Variants in ATRNL1 observed in about 807,000 individuals in gnomAD.
The protein encoded by ATRNL1 is attractin like 1, also known as attractin-like protein 1.
In ATRNL1, 95 loss-of-function variants were observed where a neutral mutation model predicts 182.7. The observed-to-expected ratio is 0.52, with a 90% CI of 0.44 to 0.62. The LOEUF is 0.62. Ranked by LOEUF, ATRNL1 falls within the 20% of genes least tolerant of loss-of-function variation. The pLI is 0.00. For missense variants in ATRNL1, 1,471 were observed against 1,679.5 expected (o/e 0.88, Z 2.17); for synonymous variants, 576 against 568.3 (o/e 1.01, Z -0.19).
At chr10:115,170,962 A>T in intron 7 of ATRNL1, 75 bp from the exon 8 acceptor site, 1 of 914,448 alleles carries the variant, frequency 1.1e-6, no homozygotes, top group Non-Finnish European at 1.5e-6. Flanking sequence ...ATGTAAATTT[A>T]ACCTTTATTT....
chr10:115,093,415 C>A lies in ATRNL1; in HGVS notation c.-336C>A. On this transcript the variant is annotated 5_prime_UTR_variant, in exon 1 of 29. Coordinates refer to ENST00000355044, the MANE Select transcript of ATRNL1 (RefSeq NM_207303.4). The surrounding 1 kb of genome is among the most constrained non-coding windows in gnomAD (Gnocchi z 6.1). The stretch of plus-strand genomic sequence containing the variant: ...GGGGCCGCGCGCGGGGTCCCCTCCT[C>A]CTGCCGGTCAGGTCCCCTCAGGAGC... 1 of 292,862 alleles carries A rather than the reference C, an allele frequency of 3.4e-6. No individual in the cohort carries two copies. The highest frequency in any genetic ancestry group is 3.8e-5 in the South Asian group (1 of 26,636). 18.1% of individuals were successfully genotyped at this position (292,862 alleles called of 1,614,324 possible).
intron 8 of ATRNL1, among the ~76,000 whole-genome samples, chr10:115,197,117 A>T (rs1848391939): frequency 2.0e-5 from 3 of 151,638 alleles, no homozygotes. Flanking sequence ...TTTTTTTTCC[A>T]CATCTTTTGA....
chr10:115,478,284 C>T (rs1848619267), intron 24 of ATRNL1, among the ~76,000 whole-genome samples: 1 of 151,728 alleles, frequency 6.6e-6, no homozygotes. Flanking sequence ...CAGGGCTTCA[C>T]AAGGCTGAAG....
chr10:115,389,552 A>ATATATGTATG (rs1554953832), intron 19 of ATRNL1, among the ~76,000 whole-genome samples: 1 of 66,742 alleles, frequency 1.5e-5, no homozygotes, highest in Non-Finnish European at 3.4e-5. Flanking sequence ...ATATATATAT[A>ATATATGTATG]TATATATATA....
intron 28 of ATRNL1, among the ~76,000 whole-genome samples, chr10:115,881,083 CT>C (rs1282833905): frequency 2.0e-5 from 3 of 152,170 alleles, no homozygotes; most frequent in African/African-American, 7.2e-5. Flanking sequence ...CGTGGCCTGT[CT>C]TTTCTGGGAC....
At chr10:115,790,264 A>T (rs1555081439) in intron 27 of ATRNL1, among the ~76,000 whole-genome samples, 2 of 151,936 alleles carry the variant, frequency 1.3e-5, no homozygotes, top group East Asian at 3.9e-4. Context: ...AAGAAAAAAA[A>T]AAAAAAACTC....
intron 26 of ATRNL1, among the ~76,000 whole-genome samples, chr10:115,599,056 A>G (rs1277913645): frequency 6.6e-6 from 1 of 152,192 alleles, no homozygotes; most frequent in Non-Finnish European, 1.5e-5. Flanking sequence ...TGAGTTATGC[A>G]GGTCTTCTGA....
At position 115,545,234 on chromosome 10, in the gene ATRNL1, CAAAAAAAAA is replaced by C. The variant is rs71010026; in HGVS notation, c.3717-4209_3717-4201del. Among the ~76,000 whole-genome samples, 192 of 94,862 alleles carry C rather than the reference CAAAAAAAAA, an allele frequency of 2.0e-3. 1 individual carries two copies. The highest frequency in any genetic ancestry group is 3.1e-3 in the African/African-American group (74 of 24,224). 62.2% of individuals were successfully genotyped at this position (94,862 alleles called of 152,430 possible). Reference sequence around the variant, plus strand: ...TGGGTGACAGAGCGAGACTCCGTATCAAAAAAAAAAAAAAAAAAAAAAAGAAAAATCATT... The same window carrying C: ...TGGGTGACAGAGCGAGACTCCGTATCAAAAAAAAAAAAAAGAAAAATCATT... On this transcript the variant is annotated intron_variant, in intron 25 of 28. Coordinates refer to ENST00000355044, the MANE Select transcript of ATRNL1 (RefSeq NM_207303.4).
chr10:115,315,415 C>T, intron 17 of ATRNL1, 103 bp from the exon 18 acceptor site: 1 of 833,832 alleles, frequency 1.2e-6, no homozygotes, highest in Non-Finnish European at 1.8e-6. Flanking sequence ...TATAGATGAC[C>T]TTTCATGGTT....
At chr10:115,722,336 T>C (rs1327077659) in intron 26 of ATRNL1, among the ~76,000 whole-genome samples, 1 of 152,150 alleles carries the variant, frequency 6.6e-6, no homozygotes, top group Admixed American at 6.5e-5. Flanking sequence ...CATCACTATC[T>C]AGGAAAATTA....
intron 28 of ATRNL1, among the ~76,000 whole-genome samples, chr10:115,882,860 G>A (rs997415886): frequency 2.6e-5 from 4 of 152,266 alleles, no homozygotes; most frequent in South Asian, 4.2e-4. Flanking sequence ...AGCTTTTAGT[G>A]CTCCCTGCCT....
chr10:115,532,527 T>A (rs1244170040), intron 25 of ATRNL1, among the ~76,000 whole-genome samples: 2 of 152,072 alleles, frequency 1.3e-5, no homozygotes, highest in South Asian at 2.1e-4. Context: ...GATTTTGGGC[T>A]GAGACAGTGG....
intron 28 of ATRNL1, among the ~76,000 whole-genome samples, chr10:115,924,424 T>G (rs1232934978): frequency 6.6e-6 from 1 of 152,190 alleles, no homozygotes; most frequent in East Asian, 1.9e-4. Context: ...TTAATTTTTG[T>G]ATAAGGTGTA....
At chr10:115,721,862 C>T (rs1195533619) in intron 26 of ATRNL1, among the ~76,000 whole-genome samples, 1 of 152,108 alleles carries the variant, frequency 6.6e-6, no homozygotes, top group African/African-American at 2.4e-5. Flanking sequence ...GGTAGCAGAC[C>T]TGATGACAGT....
chr10:115,882,875 A>G (rs571892958), intron 28 of ATRNL1, among the ~76,000 whole-genome samples: 35 of 152,296 alleles, frequency 2.3e-4, no homozygotes, highest in African/African-American at 6.0e-4. Context: ...CTGCCTCCCA[A>G]TGGGCCGCCA....
intron 17 of ATRNL1, among the ~76,000 whole-genome samples, chr10:115,311,381 G>T (rs1281520179): frequency 4.6e-5 from 7 of 151,990 alleles, no homozygotes; most frequent in African/African-American, 1.7e-4. Context: ...GTAGAAACCG[G>T]TTTCACCATG....
chr10:115,750,860 T>C (rs1246433081), intron 27 of ATRNL1, among the ~76,000 whole-genome samples: 1 of 152,058 alleles, frequency 6.6e-6, no homozygotes, highest in Non-Finnish European at 1.5e-5. Context: ...TAGGAAAAGA[T>C]GTTCCAATTC....
chr10:115,159,060 G>A (rs971098425), intron 5 of ATRNL1, among the ~76,000 whole-genome samples: 8 of 151,534 alleles, frequency 5.3e-5, no homozygotes, highest in Non-Finnish European at 1.2e-4. Context: ...TGTAAAAAAG[G>A]CATTATGAGA....
intron 27 of ATRNL1, among the ~76,000 whole-genome samples, chr10:115,764,486 C>T (rs1948808332): frequency 6.6e-6 from 1 of 152,090 alleles, no homozygotes; most frequent in South Asian, 2.1e-4. Context: ...CACTCCTGCT[C>T]CCACCAACCC....
Sources: allele counts gnomAD v4.1 joint callset (sites outside exome capture counted in the v4.1 genomes callset), GRCh38; gene constraint gnomAD v4.1.1; non-coding constraint Gnocchi (gnomAD v3.1); transcripts MANE v1.5; gene names NCBI Gene and HGNC (gene_info 2026-07-23, HGNC 2026-07-21).